The following MACROD2 variants were observed in gnomAD, a reference collection of about 807,000 sequenced individuals.
MACROD2 encodes mono-ADP ribosylhydrolase 2, also known as ADP-ribose glycohydrolase MACROD2.
In MACROD2, 36 loss-of-function variants were observed where a neutral mutation model predicts 70.4. The observed-to-expected ratio is 0.51, with a 90% CI of 0.39 to 0.68. The LOEUF is 0.68. MACROD2 is among the 30% of genes least tolerant of loss of function. The probability of loss-of-function intolerance (pLI) is 0.00; values close to 1 mark genes in which losing one functional copy is unlikely to be tolerated. For missense variants in MACROD2, 496 were observed against 538.4 expected (o/e 0.92, Z 0.78); for synonymous variants, 172 against 178.8 (o/e 0.96, Z 0.30).
At chr20:14,242,195 T>A (rs2081935469) in intron 3 of MACROD2, among the ~76,000 whole-genome samples, 1 of 152,204 alleles carries the variant, frequency 6.6e-6, no homozygotes, top group Non-Finnish European at 1.5e-5. Context: ...TTGTCTAATT[T>A]AAAATGTTTG....
At chr20:15,318,042 A>T (rs2077833186) in intron 6 of MACROD2, among the ~76,000 whole-genome samples, 1 of 152,142 alleles carries the variant, frequency 6.6e-6, no homozygotes, top group Non-Finnish European at 1.5e-5. Context: ...GACGAAGAAA[A>T]AAACAGAAGT....
chr20:15,532,281 T>A (rs187733959), intron 8 of MACROD2, among the ~76,000 whole-genome samples: 55 of 152,206 alleles, frequency 3.6e-4, no homozygotes, highest in Non-Finnish European at 7.2e-4. Flanking sequence ...ATTGTTCATC[T>A]GAAATTCAGA....
At chr20:14,404,664 A>G (rs962550856) in intron 3 of MACROD2, among the ~76,000 whole-genome samples, 2 of 152,162 alleles carry the variant, frequency 1.3e-5, no homozygotes, top group African/African-American at 2.4e-5. Flanking sequence ...CACCAAAGGC[A>G]GAGAAGATTT....
intron 3 of MACROD2, among the ~76,000 whole-genome samples, chr20:14,385,128 C>T (rs1267986549): frequency 2.0e-5 from 3 of 152,100 alleles, no homozygotes; most frequent in African/African-American, 7.2e-5. Context: ...CAGCTAACAG[C>T]ATGATATCTC....
intron 3 of MACROD2, among the ~76,000 whole-genome samples, chr20:14,378,940 C>T (rs1216431262): frequency 6.6e-6 from 1 of 152,190 alleles, no homozygotes; most frequent in Non-Finnish European, 1.5e-5. Context: ...TCTCATGAAG[C>T]AGGTTGTTGT....
At chr20:14,388,534 G>C (rs1418937953) in intron 3 of MACROD2, among the ~76,000 whole-genome samples, 1 of 152,088 alleles carries the variant, frequency 6.6e-6, no homozygotes, top group African/African-American at 2.4e-5. Flanking sequence ...CTGTATCGTT[G>C]CAATAAAGTG....
chr20:15,728,032 T>C (rs368346450), intron 8 of MACROD2, among the ~76,000 whole-genome samples: 2 of 152,162 alleles, frequency 1.3e-5, no homozygotes, highest in South Asian at 4.1e-4. Flanking sequence ...ATGTTGGCTA[T>C]GGGTTTGTCT....
intron 6 of MACROD2, among the ~76,000 whole-genome samples, chr20:15,295,595 T>TCTCACACACACACA (rs1407784799): frequency 4.1e-5 from 6 of 147,938 alleles, no homozygotes; most frequent in Non-Finnish European, 7.5e-5. Flanking sequence ...ATGTCTGTCA[T>TCTCACACACACACA]CACACACACA....
intron 4 of MACROD2, among the ~76,000 whole-genome samples, chr20:14,495,643 T>C (rs2084845358): frequency 6.6e-6 from 1 of 152,168 alleles, no homozygotes; most frequent in South Asian, 2.1e-4. Context: ...ATGTATGTAT[T>C]GTTGGTGTGT....
intron 8 of MACROD2, among the ~76,000 whole-genome samples, chr20:15,794,411 C>A (rs1337733862): frequency 6.6e-6 from 1 of 152,182 alleles, no homozygotes; most frequent in Non-Finnish European, 1.5e-5. Flanking sequence ...GTCTTGCCAA[C>A]CCTCATATCT....
intron 8 of MACROD2, among the ~76,000 whole-genome samples, chr20:15,534,609 G>A (rs1415634187): frequency 6.6e-6 from 1 of 152,108 alleles, no homozygotes; most frequent in Non-Finnish European, 1.5e-5. Context: ...TAATAGGACG[G>A]TAGATATGAA....
chr20:14,580,907 T>C (rs1254825166), intron 4 of MACROD2, among the ~76,000 whole-genome samples: 1 of 152,226 alleles, frequency 6.6e-6, no homozygotes, highest in African/African-American at 2.4e-5. Context: ...AATTTATTTA[T>C]TCAGTCAGTC....
At chr20:15,751,349 A>G (rs2051266327) in intron 8 of MACROD2, among the ~76,000 whole-genome samples, 1 of 152,116 alleles carries the variant, frequency 6.6e-6, no homozygotes, top group Non-Finnish European at 1.5e-5. Flanking sequence ...TAAAAGTAAC[A>G]TTTTATTACT....
chr20:14,310,890 ATAGAC>A (rs1479522525), intron 3 of MACROD2, among the ~76,000 whole-genome samples: 5 of 152,292 alleles, frequency 3.3e-5, no homozygotes, highest in East Asian at 3.9e-4. Flanking sequence ...AAAAAAACTT[ATAGAC>A]TAAAGGTAGG....
chr20:14,407,362 A>G (rs1399504025), intron 3 of MACROD2, among the ~76,000 whole-genome samples: 5 of 149,800 alleles, frequency 3.3e-5, no homozygotes, highest in Non-Finnish European at 7.4e-5. Context: ...GCTGATGGTG[A>G]CTCTGTTTTC....
At chr20:14,992,994 G>T (rs2423907) in intron 5 of MACROD2, among the ~76,000 whole-genome samples, 3,235 of 152,160 alleles carry the variant, frequency 0.021, 68 homozygotes, top group Admixed American at 0.047. Flanking sequence ...AATATTTAAT[G>T]ATCTTCCATT....
chr20:15,578,912 A>G (rs1258248773), intron 8 of MACROD2, among the ~76,000 whole-genome samples: 1 of 152,222 alleles, frequency 6.6e-6, no homozygotes, highest in Non-Finnish European at 1.5e-5. Context: ...ATAGACAGAT[A>G]AACAGATAGA....
chr20:15,314,662 C>T (rs1283046572), intron 6 of MACROD2, among the ~76,000 whole-genome samples: 1 of 152,138 alleles, frequency 6.6e-6, no homozygotes, highest in Non-Finnish European at 1.5e-5. Context: ...AACTTGAACT[C>T]ATTCAGGGTG....
rs141083407 is a variant in MACROD2 at position 16,038,105 on chromosome 20, T to C, written c.1154-3096T>C. Among the ~76,000 whole-genome samples, 537 of 152,018 alleles carry C rather than the reference T, an allele frequency of 3.5e-3. 1 individual carries two copies. The highest frequency in any genetic ancestry group is 0.012 in the African/African-American group (516 of 41,532). On this transcript the variant is annotated intron_variant, in intron 15 of 17. Coordinates refer to ENST00000684519, the MANE Select transcript of MACROD2 (RefSeq NM_001351661.2). ...TCATCTCTGGCTTCCATTATTTTTGTTATGAATTTATCTATAAGTTTTATT... is the reference window on the plus strand; with the variant it reads ...TCATCTCTGGCTTCCATTATTTTTGCTATGAATTTATCTATAAGTTTTATT...
Sources: allele counts gnomAD v4.1 joint callset (sites outside exome capture counted in the v4.1 genomes callset), GRCh38; gene constraint gnomAD v4.1.1; transcripts MANE v1.5; gene names NCBI Gene and HGNC (gene_info 2026-07-23, HGNC 2026-07-21).